CCDC177: variants seen among roughly 807,000 people sequenced by gnomAD.
CCDC177 encodes coiled-coil domain-containing protein 177.
A neutral mutation model predicts 7.3 loss-of-function variants in CCDC177; 2 were observed. The ratio of observed to expected loss-of-function variants is 0.28; its 90% CI spans 0.11 to 0.87. CCDC177 has a LOEUF of 0.87. CCDC177 is among the 40% of genes least tolerant of loss of function. CCDC177 has a pLI of 0.61. For synonymous variants in CCDC177, 401 were observed against 449.2 expected (o/e 0.89, Z 1.36); for missense variants, 874 against 970.5 (o/e 0.90, Z 1.32).
In CCDC177 at chr14:69,573,585, G is replaced by C. The variant is rs745909065; in HGVS notation, c.38C>G (p.Ala13Gly). The C allele has an allele frequency of 1.6e-6, 2 of 1,231,712 alleles. No homozygotes were observed. Among genetic ancestry groups the C allele is most frequent in the Non-Finnish European group, 2.0e-6 (2 of 988,026 alleles). The allele number at this position is 1,231,712 out of a possible 1,614,324, so 76.3% of individuals were successfully genotyped here. A position where few individuals can be genotyped will look rare whatever the true frequency, so the allele number is the denominator to read the frequency against. ...DPVPEEEKAGAEPGDSGGDEA... is the reference protein window; with the variant it reads ...DPVPEEEKAGGEPGDSGGDEA... ...GTCCCCTCCAGAGTCGCCGGGTTCC[G>C]CTCCTGCCTTCTCTTCTTCAGGCAC... is the stretch of plus-strand genomic sequence containing the variant. The change falls in exon 2 of 2, where the codon GCG becomes GGG. Residue 13 changes from alanine (A) to glycine (G), a missense_variant. Transcript: ENST00000599174.
Position 69,572,205 on chromosome 14 carries a change from T to A in CCDC177, c.1418A>T (p.Glu473Val). 1.6e-6 allele frequency: 2 copies of A among 1,229,694 alleles called. No individual in the cohort carries two copies. Among genetic ancestry groups the A allele is most frequent in the Non-Finnish European group, 2.0e-6 (2 of 986,742 alleles). The allele number at this position is 1,229,694 out of a possible 1,614,324, so 76.2% of individuals were successfully genotyped here. A position where few individuals can be genotyped will look rare whatever the true frequency, so the allele number is the denominator to read the frequency against. The change falls in exon 2 of 2, where the codon GAG becomes GTG. Residue 473 changes from glutamate to valine, a missense_variant. Glu to Val is a moderately radical substitution (Grantham distance 121). Coordinates refer to ENST00000599174, the MANE Select transcript of CCDC177 (RefSeq NM_001271507.2). ...CTCCCTGCGGATCTGCTCAGCCCGC[T>A]CCCGCCCTTCCTGTAGACCTTCCTC... is the stretch of plus-strand genomic sequence containing the variant. The part of the protein sequence containing the change: ...QREEGLQEGR[E>V]RAEQIRRERA...
In CCDC177 at chr14:69,572,553, T is replaced by C. The variant is rs1367745622; in HGVS notation, c.1070A>G (p.Glu357Gly). The change falls in exon 2 of 2, where the codon GAG becomes GGG. Residue 357 changes from glutamate (E) to glycine (G), a missense_variant. Physicochemically the swap from Glu to Gly is moderately conservative, Grantham distance 98. Coordinates refer to ENST00000599174, the MANE Select transcript of CCDC177 (RefSeq NM_001271507.2). Reference protein sequence around the residue: ...ARHQEELLLLEQRAAAHGQWE... With the variant: ...ARHQEELLLLGQRAAAHGQWE... ...CTGGCCGTGGGCAGCCGCGCGTTGC[T>C]CCAGCAGCAGGAGCTCCTCCTGGTG... 2 of 1,231,086 alleles carry C rather than the reference T, an allele frequency of 1.6e-6. No homozygotes were observed. Among genetic ancestry groups the C allele is most frequent in the Non-Finnish European group, 1.0e-6 (1 of 987,512 alleles). The allele number at this position is 1,231,086 out of a possible 1,614,324, so 76.3% of individuals were successfully genotyped here. A position where few individuals can be genotyped will look rare whatever the true frequency, so the allele number is the denominator to read the frequency against.
chr14:69,573,055 T>A lies in CCDC177; in HGVS notation c.568A>T (p.Ser190Cys). Residue 190 changes from serine (S) to cysteine (C), a missense_variant, in exon 2 of 2, where the codon AGC becomes TGC. Ser to Cys is a moderately radical substitution (Grantham distance 112). Transcript: ENST00000599174. Reference sequence around the variant, plus strand: ...GCCGGGAGGCTGGCGCTGCTGCAGCTGCTGCTGCTGCCCGCGCTCGGGGCC... The same window carrying A: ...GCCGGGAGGCTGGCGCTGCTGCAGCAGCTGCTGCTGCCCGCGCTCGGGGCC... ...ASAPSAGSSSSCSSASLPASP... is the reference protein window; with the variant it reads ...ASAPSAGSSSCCSSASLPASP... 8.2e-7 allele frequency: 1 copy of A among 1,214,014 alleles called. No individual in the cohort carries two copies. The highest frequency in any genetic ancestry group is 1.6e-5 in the African/African-American group (1 of 62,456). The allele number at this position is 1,214,014 out of a possible 1,614,324, so 75.2% of individuals were successfully genotyped here. A position where few individuals can be genotyped will look rare whatever the true frequency, so the allele number is the denominator to read the frequency against.
Position 69,572,232 on chromosome 14 carries a change from C to A in CCDC177, c.1391G>T (p.Arg464Leu), listed in dbSNP as rs991039345. 1.6e-6 allele frequency: 2 copies of A among 1,229,424 alleles called. No homozygotes were observed. Among genetic ancestry groups the A allele is most frequent in the African/African-American group, 1.6e-5 (1 of 64,206 alleles). 76.2% of individuals were successfully genotyped at this position (1,229,424 alleles called of 1,614,324 possible). A position where few individuals can be genotyped will look rare whatever the true frequency, so the allele number is the denominator to read the frequency against. Residue 464 changes from arginine (R) to leucine (L), a missense_variant, in exon 2 of 2, where the codon CGT (arginine) becomes CTT (leucine). By Grantham distance (102) the Arg-to-Leu change is moderately radical. Transcript: ENST00000599174. ...CCGCCCTTCCTGTAGACCTTCCTCA[C>A]GTTGCTTCAGGTTCTGCTCCTGCTG... ...KLQQEQNLKQ[R>L]EEGLQEGRER...
At position 69,572,775 on chromosome 14, in the gene CCDC177, G is replaced by A; in HGVS notation, c.848C>T (p.Thr283Ile). ...NSCPAGSASS[T>I]TNAPGRPSAL... Reference sequence around the variant, plus strand: ...AGACGGGCGGCCCGGAGCGTTGGTGGTGGAGGACGCCGACCCCGCTGGGCA... The same window carrying A: ...AGACGGGCGGCCCGGAGCGTTGGTGATGGAGGACGCCGACCCCGCTGGGCA... Residue 283 changes from threonine to isoleucine, a missense_variant, in exon 2 of 2, where the codon ACC becomes ATC. Physicochemically the swap from Thr to Ile is moderately conservative, Grantham distance 89. Transcript: ENST00000599174. The A allele has an allele frequency of 8.1e-7, 1 of 1,230,778 alleles. No individual in the cohort carries two copies. Among genetic ancestry groups the A allele is most frequent in the South Asian group, 4.1e-5 (1 of 24,284 alleles). 76.2% of individuals were successfully genotyped at this position (1,230,778 alleles called of 1,614,324 possible).
chr14:69,572,523 T>C lies in CCDC177; in HGVS notation c.1100A>G (p.Glu367Gly). ...EQRAAAHGQW[E>G]LQRVHAKQRR... is the part of the protein sequence containing the mutation. ...CTGCTTGGCGTGCACGCGCTGCAGC[T>C]CCCACTGGCCGTGGGCAGCCGCGCG... is the stretch of plus-strand genomic sequence containing the variant. Residue 367 changes from glutamate (E) to glycine (G), a missense_variant, in exon 2 of 2, where the codon GAG becomes GGG. Glu to Gly is a moderately conservative substitution (Grantham distance 98). Coordinates refer to ENST00000599174, the MANE Select transcript of CCDC177 (RefSeq NM_001271507.2). 1 of 1,231,032 alleles carries C rather than the reference T, an allele frequency of 8.1e-7. No individual in the cohort carries two copies. The highest frequency in any genetic ancestry group is 1.0e-6 in the Non-Finnish European group (1 of 987,506). The allele number at this position is 1,231,032 out of a possible 1,614,324, so 76.3% of individuals were successfully genotyped here.
At position 69,574,580 on chromosome 14, in the gene CCDC177, G is replaced by T. The variant is rs980101295; in HGVS notation, c.-67C>A. ...CTTCGGCCCCGCGCCAAGGGCTTTT[G>T]TTCGCAGCTCGCCGCTGTCCCCTGC... On this transcript the variant is annotated 5_prime_UTR_variant, in exon 1 of 2. Transcript: ENST00000599174. 6.6e-6 allele frequency: 1 copy of T among 152,294 alleles called. No individual in the cohort carries two copies. Among genetic ancestry groups the T allele is most frequent in the African/African-American group, 2.4e-5 (1 of 41,476 alleles). 9.4% of individuals were successfully genotyped at this position (152,294 alleles called of 1,614,324 possible).
Position 69,570,922 on chromosome 14 carries a change from GATTAAAAGGTCTAAAAA to G in CCDC177, c.*560_*576del, listed in dbSNP as rs1884310753. 2.2e-6 allele frequency: 1 copy of G among 457,732 alleles called. No homozygotes were observed. The highest frequency in any genetic ancestry group is 2.0e-5 in the African/African-American group (1 of 50,072). The allele number at this position is 457,732 out of a possible 1,614,324, so 28.4% of individuals were successfully genotyped here. A position where few individuals can be genotyped will look rare whatever the true frequency, so the allele number is the denominator to read the frequency against. On this transcript the variant is annotated 3_prime_UTR_variant, in exon 2 of 2. Coordinates refer to ENST00000599174, the MANE Select transcript of CCDC177 (RefSeq NM_001271507.2). The stretch of plus-strand genomic sequence containing the variant: ...CTGGTGAGAATTTGCTCAGGTGGCC[GATTAAAAGGTCTAAAAA>G]ATCAACTGCTTTTTGGATCATTTGG...
In CCDC177 at chr14:69,572,992, T is replaced by C. The variant is rs1437413076; in HGVS notation, c.631A>G (p.Ser211Gly). The C allele has an allele frequency of 3.3e-6, 4 of 1,230,572 alleles. No individual in the cohort carries two copies. Among genetic ancestry groups the C allele is most frequent in the Non-Finnish European group, 4.1e-6 (4 of 987,426 alleles). The allele number at this position is 1,230,572 out of a possible 1,614,324, so 76.2% of individuals were successfully genotyped here. A position where few individuals can be genotyped will look rare whatever the true frequency, so the allele number is the denominator to read the frequency against. The change falls in exon 2 of 2, where the codon AGT becomes GGT. Residue 211 changes from serine to glycine, a missense_variant. By Grantham distance (56) the Ser-to-Gly change is moderately conservative. Coordinates refer to ENST00000599174, the MANE Select transcript of CCDC177 (RefSeq NM_001271507.2). ...GGTTGGGTCCGGGCGGAGGAGGGAC[T>C]AGGGGAAGCCTTGCGGGCCGCACGC... ...APRAARKASP[S>G]PSSARTQPPP...
intron 1 of CCDC177, 67 bp from the exon 2 acceptor site, chr14:69,573,717 T>C: frequency 4.2e-6 from 5 of 1,204,564 alleles, no homozygotes; most frequent in Non-Finnish European, 5.2e-6. Context: ...TCATCCATAG[T>C]CACCCCATCC....
In CCDC177 at chr14:69,571,544, G is replaced by A. The variant is rs1042677973; in HGVS notation, c.2079C>T (p.Arg693=). Residue 693 remains arginine (R), a synonymous_variant, in exon 2 of 2, where the codon CGC becomes CGT. Transcript: ENST00000599174. ...REETNTRSFD[R]MVREAQLHAS... ...CGTGTAGCTGGGCCTCCCGCACCATGCGGTCGAAGGATCGCGTGTTGGTCT... is the reference window on the plus strand; with the variant it reads ...CGTGTAGCTGGGCCTCCCGCACCATACGGTCGAAGGATCGCGTGTTGGTCT... 148 of 1,238,756 alleles carry A rather than the reference G, an allele frequency of 1.2e-4. No homozygotes were observed. The highest frequency in any genetic ancestry group is 2.6e-5 in the Non-Finnish European group (26 of 991,682). 76.7% of individuals were successfully genotyped at this position (1,238,756 alleles called of 1,614,324 possible).
Position 69,571,842 on chromosome 14 carries a change from C to T in CCDC177, c.1781G>A (p.Arg594Gln). Residue 594 changes from arginine to glutamine, a missense_variant, in exon 2 of 2, where the codon CGA becomes CAA. Physicochemically the swap from Arg to Gln is conservative, Grantham distance 43 (BLOSUM62 1). Coordinates refer to ENST00000599174, the MANE Select transcript of CCDC177 (RefSeq NM_001271507.2). ...CACCTGCGTCGCGTGCTGCAGCCGT[C>T]GCTCCCCCGCCCGGGCCAGCGCCTC... ...HLEALARAGE[R>Q]RLQHATQVAE... is the part of the protein sequence containing the mutation. 6.5e-6 allele frequency: 8 copies of T among 1,231,668 alleles called. No individual in the cohort carries two copies. The highest frequency in any genetic ancestry group is 8.1e-6 in the Non-Finnish European group (8 of 987,964). 76.3% of individuals were successfully genotyped at this position (1,231,668 alleles called of 1,614,324 possible). A position where few individuals can be genotyped will look rare whatever the true frequency, so the allele number is the denominator to read the frequency against.
chr14:69,574,374 A>G (rs942068776), intron 1 of CCDC177, among the ~76,000 whole-genome samples, 168 bp downstream of exon 1: 3 of 152,270 alleles, frequency 2.0e-5, no homozygotes, highest in East Asian at 1.9e-4. Flanking sequence ...GATCTCCTCC[A>G]AGTCTGAATG....
In CCDC177 at chr14:69,573,394, A is replaced by G; in HGVS notation, c.229T>C (p.Phe77Leu). 6.5e-6 allele frequency: 8 copies of G among 1,231,344 alleles called. No individual in the cohort carries two copies. Among genetic ancestry groups the G allele is most frequent in the Non-Finnish European group, 8.1e-6 (8 of 987,702 alleles). 76.3% of individuals were successfully genotyped at this position (1,231,344 alleles called of 1,614,324 possible). Residue 77 changes from phenylalanine to leucine, a missense_variant, in exon 2 of 2, where the codon TTC becomes CTC. Transcript: ENST00000599174. ...EQSPLLHLDL[F>L]NFDCPEAEGS... ...TCCGCCTCTGGGCAGTCGAAGTTGA[A>G]GAGGTCGAGGTGCAGCAGCGGGGAC...
intron 1 of CCDC177, 144 bp from the exon 2 acceptor site, chr14:69,573,794 G>C: frequency 1.3e-6 from 1 of 777,656 alleles, no homozygotes. Flanking sequence ...AACCGATGTC[G>C]GAAAGCCCAG....
chr14:69,573,304 G>T lies in CCDC177; in HGVS notation c.319C>A (p.Pro107Thr). ...AGGGCCCGTGGCAGCAGCTCCACCG[G>T]CTTGACCGCACAGCGGGCGCAGGCC... Reference protein sequence around the residue: ...LEACARCAVKPVELLPRALAD... With the variant: ...LEACARCAVKTVELLPRALAD... The change falls in exon 2 of 2, where the codon CCG (proline) becomes ACG (threonine). Residue 107 changes from proline (P) to threonine (T), a missense_variant. Pro to Thr is a conservative substitution (Grantham distance 38, BLOSUM62 -1). Coordinates refer to ENST00000599174, the MANE Select transcript of CCDC177 (RefSeq NM_001271507.2). 1 of 1,231,386 alleles carries T rather than the reference G, an allele frequency of 8.1e-7. No homozygotes were observed. Among genetic ancestry groups the T allele is most frequent in the Non-Finnish European group, 1.0e-6 (1 of 987,722 alleles). 76.3% of individuals were successfully genotyped at this position (1,231,386 alleles called of 1,614,324 possible).
chr14:69,573,299 C>T lies in CCDC177; in HGVS notation c.324G>A (p.Val108=). 8.1e-7 allele frequency: 1 copy of T among 1,231,360 alleles called. No homozygotes were observed. Among genetic ancestry groups the T allele is most frequent in the Non-Finnish European group, 1.0e-6 (1 of 987,700 alleles). The allele number at this position is 1,231,360 out of a possible 1,614,324, so 76.3% of individuals were successfully genotyped here. ...EACARCAVKP[V]ELLPRALADL... ...CGGCCAGGGCCCGTGGCAGCAGCTC[C>T]ACCGGCTTGACCGCACAGCGGGCGC... Residue 108 remains valine, a synonymous_variant, in exon 2 of 2, where the codon GTG becomes GTA. Coordinates refer to ENST00000599174, the MANE Select transcript of CCDC177 (RefSeq NM_001271507.2).
chr14:69,571,418 GC>G lies in CCDC177; in HGVS notation c.*80del. ...GAGAGGCCACCGCGCTGCGCACCGA[GC>G]GGGGACTCCCACGATGGTCAGTGGT... On this transcript the variant is annotated 3_prime_UTR_variant, in exon 2 of 2. Coordinates refer to ENST00000599174, the MANE Select transcript of CCDC177 (RefSeq NM_001271507.2). The G allele has an allele frequency of 9.9e-7, 1 of 1,012,422 alleles. No individual in the cohort carries two copies. The highest frequency in any genetic ancestry group is 1.3e-6 in the Non-Finnish European group (1 of 772,776). The allele number at this position is 1,012,422 out of a possible 1,614,324, so 62.7% of individuals were successfully genotyped here.
chr14:69,573,634 G>A lies in CCDC177; in HGVS notation c.-12C>T. ...ACTGGGTCCACCATGGCTGAGCCCCGTCCTTTGTTGGAATCTCTGCAGATC... is the reference window on the plus strand; with the variant it reads ...ACTGGGTCCACCATGGCTGAGCCCCATCCTTTGTTGGAATCTCTGCAGATC... On this transcript the variant is annotated 5_prime_UTR_variant, in exon 2 of 2. The change creates a new upstream start codon in the 5' untranslated region. Transcript: ENST00000599174. 8.1e-7 allele frequency: 1 copy of A among 1,231,794 alleles called. No individual in the cohort carries two copies. Among genetic ancestry groups the A allele is most frequent in the African/African-American group, 1.5e-5 (1 of 64,544 alleles). 76.3% of individuals were successfully genotyped at this position (1,231,794 alleles called of 1,614,324 possible).
Sources: allele counts gnomAD v4.1 joint callset (sites outside exome capture counted in the v4.1 genomes callset), GRCh38; gene constraint gnomAD v4.1.1; transcripts MANE v1.5; gene names NCBI Gene and HGNC (gene_info 2026-07-23, HGNC 2026-07-21).